The following TSHZ2 variants were observed in gnomAD, a reference collection of about 807,000 sequenced individuals.
The protein encoded by TSHZ2 is teashirt homolog 2.
TSHZ2 carries 21 observed loss-of-function variants against 74.4 expected under a neutral mutation model. The ratio of observed to expected loss-of-function variants is 0.28; its 90% CI spans 0.20 to 0.41. The LOEUF is 0.41. TSHZ2 is among the 10% of genes least tolerant of loss of function. The pLI is 1.00. For synonymous variants in TSHZ2, 540 were observed against 515.3 expected (o/e 1.05, Z -0.65); for missense variants, 1,244 against 1,293.5 (o/e 0.96, Z 0.59).
chr20:53,025,557 A>G (rs1032340545), intron 1 of TSHZ2, among the ~76,000 whole-genome samples: 3 of 152,178 alleles, frequency 2.0e-5, no homozygotes, highest in Non-Finnish European at 4.4e-5. Context: ...CTCCACCTTG[A>G]TGAACTTCCC....
Position 53,488,577 on chromosome 20 carries a change from A to G in TSHZ2, c.*1442A>G, listed in dbSNP as rs1160427324. ...ATTTCCTTATTCTCAAAGGACAAAT[A>G]CGTCTGGATTATGTGGTAAATTGCT... On this transcript the variant is annotated 3_prime_UTR_variant, in exon 3 of 3. Coordinates refer to ENST00000371497, the MANE Select transcript of TSHZ2 (RefSeq NM_173485.6). 1 of 170,408 alleles carries G rather than the reference A, an allele frequency of 5.9e-6. No homozygotes were observed. Among genetic ancestry groups the G allele is most frequent in the Admixed American group, 5.8e-5 (1 of 17,352 alleles). 10.6% of individuals were successfully genotyped at this position (170,408 alleles called of 1,614,324 possible).
chr20:53,126,254 G>T lies in TSHZ2; in HGVS notation c.41-127245G>T, dbSNP rs116399721. Among the ~76,000 whole-genome samples, 26 of 152,286 alleles carry T rather than the reference G, an allele frequency of 1.7e-4. 2 individuals are homozygous for T. In the South Asian group the frequency reaches 5.4e-3, roughly 32 times the overall value. On this transcript the variant is annotated intron_variant, in intron 1 of 2. Coordinates refer to ENST00000371497, the MANE Select transcript of TSHZ2 (RefSeq NM_173485.6). ...AGCGATGTCCACAAAGAGAGCCAGC[G>T]CTTCCTATGCCTGTGCGATCACACA...
At chr20:53,381,055 G>T (rs772251016) in intron 2 of TSHZ2, among the ~76,000 whole-genome samples, 1 of 152,168 alleles carries the variant, frequency 6.6e-6, no homozygotes, top group Non-Finnish European at 1.5e-5. Context: ...GATTTTGTGT[G>T]ACTCACTCAT....
At chr20:53,376,052 C>T (rs914984862) in intron 2 of TSHZ2, among the ~76,000 whole-genome samples, 6 of 152,114 alleles carry the variant, frequency 3.9e-5, no homozygotes, top group African/African-American at 1.4e-4. Flanking sequence ...CCTTAGAAGT[C>T]CTGGGAGTCA....
intron 1 of TSHZ2, among the ~76,000 whole-genome samples, chr20:53,023,385 T>C (rs768949943): frequency 3.9e-5 from 6 of 152,228 alleles, no homozygotes; most frequent in Non-Finnish European, 7.3e-5. Context: ...TCCTCTGAAT[T>C]GTTAAGCATT....
intron 2 of TSHZ2, among the ~76,000 whole-genome samples, chr20:53,291,894 G>C (rs1338936742): frequency 6.6e-6 from 1 of 151,666 alleles, no homozygotes; most frequent in African/African-American, 2.4e-5. Context: ...CTTCCTTCCA[G>C]TCAAGTTATT....
intron 1 of TSHZ2, among the ~76,000 whole-genome samples, chr20:52,995,383 C>A (rs1209590312): frequency 6.6e-6 from 1 of 152,168 alleles, no homozygotes; most frequent in Non-Finnish European, 1.5e-5. Flanking sequence ...TTGACCTTAA[C>A]CTACATAGGT....
At chr20:53,323,057 A>G (rs1443897201) in intron 2 of TSHZ2, among the ~76,000 whole-genome samples, 1 of 152,240 alleles carries the variant, frequency 6.6e-6, no homozygotes, top group Non-Finnish European at 1.5e-5. Context: ...TTAAAGCCAC[A>G]AAAGTCCCAA....
chr20:53,288,421 A>C (rs1267038426), intron 2 of TSHZ2, among the ~76,000 whole-genome samples: 1 of 152,132 alleles, frequency 6.6e-6, no homozygotes, highest in African/African-American at 2.4e-5. Flanking sequence ...AAAAAAAAAA[A>C]AAAAAACTAG....
At chr20:53,400,308 C>G (rs1224759150) in intron 2 of TSHZ2, 1 of 152,206 alleles carries the variant, frequency 6.6e-6, no homozygotes, top group African/African-American at 2.4e-5. Flanking sequence ...GTCTTTCAGG[C>G]TCAATTAATT....
chr20:53,318,768 G>A (rs1053222423), intron 2 of TSHZ2, among the ~76,000 whole-genome samples: 18 of 152,212 alleles, frequency 1.2e-4, no homozygotes, highest in Admixed American at 6.5e-5. Context: ...CAGTTAGTGA[G>A]AACATAGGCT....
chr20:53,161,737 C>T (rs1600718552), intron 1 of TSHZ2, among the ~76,000 whole-genome samples: 1 of 152,230 alleles, frequency 6.6e-6, no homozygotes, highest in Non-Finnish European at 1.5e-5. Flanking sequence ...CCACCAGGTA[C>T]CTGCCTCAAC....
At chr20:53,225,070 C>A (rs1344018381) in intron 1 of TSHZ2, among the ~76,000 whole-genome samples, 1 of 152,190 alleles carries the variant, frequency 6.6e-6, no homozygotes, top group Non-Finnish European at 1.5e-5. Context: ...AGCACAAAAG[C>A]AGCCCTAAGT....
At chr20:53,123,630 G>A (rs941588738) in intron 1 of TSHZ2, among the ~76,000 whole-genome samples, 1 of 152,152 alleles carries the variant, frequency 6.6e-6, no homozygotes, top group Non-Finnish European at 1.5e-5. Context: ...TAACATCCCA[G>A]TAGACAACAT....
At chr20:53,192,072 G>A (rs1160040492) in intron 1 of TSHZ2, among the ~76,000 whole-genome samples, 1 of 152,112 alleles carries the variant, frequency 6.6e-6, no homozygotes, top group Non-Finnish European at 1.5e-5. Context: ...TAAAGTATGT[G>A]CAAAACAATC....
At chr20:53,125,823 A>G (rs1014742576) in intron 1 of TSHZ2, among the ~76,000 whole-genome samples, 6 of 152,236 alleles carry the variant, frequency 3.9e-5, no homozygotes, top group Non-Finnish European at 8.8e-5. Flanking sequence ...GGGCTTAATA[A>G]TTACAACAAT....
At chr20:53,133,848 G>A (rs932027616) in intron 1 of TSHZ2, among the ~76,000 whole-genome samples, 2 of 151,458 alleles carry the variant, frequency 1.3e-5, no homozygotes, top group African/African-American at 4.9e-5. Context: ...GCACCAAAAG[G>A]TCTGTTTTGC....
intron 1 of TSHZ2, among the ~76,000 whole-genome samples, chr20:52,998,674 G>A (rs56970788): frequency 0.026 from 3,884 of 152,210 alleles, 178 homozygotes; most frequent in African/African-American, 0.088. Flanking sequence ...GTTAATTTCT[G>A]TCTATCGCCT....
chr20:53,145,026 C>T (rs1368511035), intron 1 of TSHZ2, among the ~76,000 whole-genome samples: 1 of 152,078 alleles, frequency 6.6e-6, no homozygotes, highest in Non-Finnish European at 1.5e-5. Context: ...TAAAATGAAG[C>T]AGGGAGAAAT....
Sources: gnomAD v4.1 joint callset for allele counts (sites outside exome capture counted in the v4.1 genomes callset) on GRCh38, gnomAD v4.1.1 for gene constraint, MANE v1.5 for transcripts, NCBI Gene and HGNC (gene_info 2026-07-23, HGNC 2026-07-21) for gene names.